The following RNGTT variants were observed in gnomAD, a reference collection of about 807,000 sequenced individuals.
RNGTT encodes mRNA-capping enzyme.
A neutral mutation model predicts 79.3 loss-of-function variants in RNGTT; 33 were observed. The ratio of observed to expected loss-of-function variants is 0.42; its 90% CI spans 0.32 to 0.56. The LOEUF (loss-of-function observed/expected upper bound fraction) is 0.56. Among genes scored for constraint, RNGTT ranks in the 20% least tolerant of loss-of-function variants. The probability of loss-of-function intolerance (pLI) is 0.17; values close to 1 mark genes in which losing one functional copy is unlikely to be tolerated. For missense variants in RNGTT, 497 were observed against 739.1 expected, an observed-to-expected ratio of 0.67 and a Z score of 3.80; for synonymous variants, 222 against 235.9, an observed-to-expected ratio of 0.94 and a Z score of 0.54.
Position 88,693,241 on chromosome 6 carries a change from GAA to G in RNGTT, c.1440-14824_1440-14823del, listed in dbSNP as rs753880587. Among the ~76,000 whole-genome samples the G allele has an allele frequency of 4.8e-4, 73 of 151,700 alleles. 1 individual carries two copies. The highest frequency in any genetic ancestry group is 3.3e-4 in the Admixed American group (5 of 15,220). On this transcript the variant is annotated intron_variant, in intron 13 of 15. Coordinates refer to ENST00000369485, the MANE Select transcript of RNGTT (RefSeq NM_003800.5). ...ATTGGCAAACCCTTACCTAGACTGA[GAA>G]AAAAAGATTCAAATAAATGAAATCA...
intron 13 of RNGTT, among the ~76,000 whole-genome samples, chr6:88,733,208 A>C (rs1268441291): frequency 5.9e-5 from 9 of 152,036 alleles, no homozygotes; most frequent in African/African-American, 2.2e-4. Context: ...GAAAAATACA[A>C]AAATCAGCCA....
intron 11 of RNGTT, among the ~76,000 whole-genome samples, chr6:88,836,051 A>ATATATATAAGATTTACATG (rs1300510421): frequency 6.8e-6 from 1 of 147,958 alleles, no homozygotes; most frequent in East Asian, 1.9e-4. Context: ...ACATATATAT[A>ATATATATAAGATTTACATG]TATATATAAG....
chr6:88,935,895 C>T (rs181204994), intron 2 of RNGTT, among the ~76,000 whole-genome samples: 1 of 152,226 alleles, frequency 6.6e-6, no homozygotes, highest in East Asian at 1.9e-4. Context: ...AGAAACACTA[C>T]TGATTTTTGT....
intron 2 of RNGTT, among the ~76,000 whole-genome samples, chr6:88,940,680 A>G (rs1228917710): frequency 6.6e-6 from 1 of 152,018 alleles, no homozygotes; most frequent in Admixed American, 6.5e-5. Flanking sequence ...GGGTGAGGAG[A>G]GAGTTTGACC....
Position 88,963,309 on chromosome 6 carries a change from G to C in RNGTT, c.64+37C>G, listed in dbSNP as rs201478299. The C allele has an allele frequency of 6.2e-6, 10 of 1,609,166 alleles. No homozygotes were observed. The Admixed American group carries it at 1.5e-4, about 24-fold the overall frequency. ...AGTCGGCCCACCCCCGGGCACGTTG[G>C]AGTGTGGGGATTCGAACGCCCCCCA... On this transcript the variant is annotated intron_variant, in intron 1 of 15. Transcript: ENST00000369485.
In RNGTT at chr6:88,802,836, C is replaced by A. The variant is rs377535216; in HGVS notation, c.1270-1204G>T. Among the ~76,000 whole-genome samples the A allele has an allele frequency of 2.0e-5, 3 of 152,178 alleles. No individual in the cohort carries two copies. In the East Asian group the frequency reaches 5.8e-4, roughly 29 times the overall value. ...GCCCCCACGAATCAATTACTTCCCA[C>A]CAGGTCCCTCCCACAACACCAGGTT... On this transcript the variant is annotated intron_variant, in intron 11 of 15. Transcript: ENST00000369485.
At chr6:88,736,935 A>T (rs1467992422) in intron 13 of RNGTT, among the ~76,000 whole-genome samples, 1 of 152,228 alleles carries the variant, frequency 6.6e-6, no homozygotes, top group Non-Finnish European at 1.5e-5. Flanking sequence ...AAGGGCAAGG[A>T]TGATTTCCTT....
chr6:88,756,956 A>G (rs1349114818), intron 13 of RNGTT, among the ~76,000 whole-genome samples: 2 of 152,208 alleles, frequency 1.3e-5, no homozygotes, highest in African/African-American at 4.8e-5. Context: ...TAAAAAAATT[A>G]CACAATTTTA....
At chr6:88,761,696 T>C (rs1322347972) in intron 13 of RNGTT, among the ~76,000 whole-genome samples, 1 of 152,174 alleles carries the variant, frequency 6.6e-6, no homozygotes, top group African/African-American at 2.4e-5. Context: ...TGCTCACTCA[T>C]ACACATATTG....
At chr6:88,616,109 C>A (rs1192602651) in intron 14 of RNGTT, among the ~76,000 whole-genome samples, 4 of 152,156 alleles carry the variant, frequency 2.6e-5, no homozygotes, top group Non-Finnish European at 5.9e-5. Flanking sequence ...CACTATTTGT[C>A]CTTTTGTGAT....
intron 12 of RNGTT, among the ~76,000 whole-genome samples, chr6:88,773,517 A>G (rs1224588212): frequency 1.3e-5 from 2 of 151,594 alleles, no homozygotes; most frequent in Admixed American, 1.3e-4. Context: ...AAAAATCTTG[A>G]AAAAAGAAAA....
At chr6:88,796,488 A>G (rs565355297) in intron 12 of RNGTT, among the ~76,000 whole-genome samples, 3 of 152,344 alleles carry the variant, frequency 2.0e-5, no homozygotes, top group African/African-American at 7.2e-5. Flanking sequence ...AATAAATAGC[A>G]AGGACAACCC....
At chr6:88,663,486 A>G (rs1774266483) in intron 14 of RNGTT, among the ~76,000 whole-genome samples, 1 of 152,196 alleles carries the variant, frequency 6.6e-6, no homozygotes, top group African/African-American at 2.4e-5. Flanking sequence ...GACAGGCTGC[A>G]GCAGTACTAG....
intron 11 of RNGTT, among the ~76,000 whole-genome samples, chr6:88,831,390 C>G (rs1311133942): frequency 6.6e-6 from 1 of 152,116 alleles, no homozygotes; most frequent in Non-Finnish European, 1.5e-5. Flanking sequence ...AATTCAACAC[C>G]TCTTCATGCT....
chr6:88,795,162 G>A (rs141279489), intron 12 of RNGTT, among the ~76,000 whole-genome samples: 27 of 152,272 alleles, frequency 1.8e-4, no homozygotes, highest in Admixed American at 7.2e-4. Context: ...AGAGGTTTAA[G>A]ATTAAATATT....
At chr6:88,791,818 C>T (rs1167049392) in intron 12 of RNGTT, among the ~76,000 whole-genome samples, 1 of 152,122 alleles carries the variant, frequency 6.6e-6, no homozygotes, top group Non-Finnish European at 1.5e-5. Context: ...CGATTACAGG[C>T]GGGAGCCACC....
chr6:88,846,156 G>A (rs1036925683), intron 10 of RNGTT, among the ~76,000 whole-genome samples: 1 of 152,164 alleles, frequency 6.6e-6, no homozygotes, highest in Non-Finnish European at 1.5e-5. Flanking sequence ...GCAAAGTTAA[G>A]CTCTCAACAG....
intron 14 of RNGTT, among the ~76,000 whole-genome samples, chr6:88,657,971 C>T (rs1307261106): frequency 6.6e-6 from 1 of 152,150 alleles, no homozygotes; most frequent in African/African-American, 2.4e-5. Flanking sequence ...TTTCTCTACC[C>T]GCCCTGGTAG....
At chr6:88,950,413 A>G (rs1318564739) in intron 1 of RNGTT, among the ~76,000 whole-genome samples, 4 of 152,196 alleles carry the variant, frequency 2.6e-5, no homozygotes, top group African/African-American at 9.7e-5. Context: ...TAAGAAATAC[A>G]TTTCATAAGG....
Sources: gnomAD v4.1 joint callset for allele counts (sites outside exome capture counted in the v4.1 genomes callset) on GRCh38, gnomAD v4.1.1 for gene constraint, MANE v1.5 for transcripts, NCBI Gene and HGNC (gene_info 2026-07-23, HGNC 2026-07-21) for gene names.